Variants in MACROD2 observed in about 807,000 individuals in gnomAD.
MACROD2 encodes mono-ADP ribosylhydrolase 2.
In MACROD2, 36 loss-of-function variants were observed where a neutral mutation model predicts 70.4. That is an observed-to-expected ratio of 0.51 (90% CI 0.39 to 0.68). The LOEUF is 0.68. MACROD2 is among the 30% of genes least tolerant of loss of function. The pLI, the probability that MACROD2 is intolerant of heterozygous loss-of-function variation, is 0.00. For synonymous variants in MACROD2, 172 were observed against 178.8 expected (o/e 0.96, Z 0.30); for missense variants, 496 against 538.4 (o/e 0.92, Z 0.78).
At chr20:15,991,988 CAT>C (rs1361302815) in intron 15 of MACROD2, among the ~76,000 whole-genome samples, 1 of 152,104 alleles carries the variant, frequency 6.6e-6, no homozygotes, top group Non-Finnish European at 1.5e-5. Context: ...GCAATGTAAA[CAT>C]ATAGAACCAG....
At chr20:14,786,817 C>T (rs945823202) in intron 5 of MACROD2, among the ~76,000 whole-genome samples, 5 of 152,042 alleles carry the variant, frequency 3.3e-5, no homozygotes, top group Non-Finnish European at 7.4e-5. Flanking sequence ...AAGTTGGATA[C>T]TGGGTATTCA....
At chr20:15,362,245 C>T (rs555447165) in intron 6 of MACROD2, among the ~76,000 whole-genome samples, 11 of 152,134 alleles carry the variant, frequency 7.2e-5, no homozygotes, top group East Asian at 3.9e-4. Flanking sequence ...CCACCCACCC[C>T]GGCCTCCCAA....
Position 14,284,746 on chromosome 20 carries a change from C to A in MACROD2, c.271+199018C>A, listed in dbSNP as rs1157451889. Among the ~76,000 whole-genome samples the A allele has an allele frequency of 2.0e-5, 3 of 152,186 alleles. No individual in the cohort carries two copies. In the East Asian group the frequency reaches 5.8e-4, roughly 29 times the overall value. On this transcript the variant is annotated intron_variant, in intron 3 of 17. Coordinates refer to ENST00000684519, the MANE Select transcript of MACROD2 (RefSeq NM_001351661.2). ...GTGCATTTCTTAAATTCTATGAGTGCCCCCCATTTACTTTGATTTTATGTT... is the reference window on the plus strand; with the variant it reads ...GTGCATTTCTTAAATTCTATGAGTGACCCCCATTTACTTTGATTTTATGTT...
intron 11 of MACROD2, among the ~76,000 whole-genome samples, chr20:15,933,955 T>C (rs1295284993): frequency 6.6e-6 from 1 of 152,178 alleles, no homozygotes; most frequent in African/African-American, 2.4e-5. Flanking sequence ...AATTGAACAT[T>C]TTAAAATAAA....
chr20:15,144,087 T>C (rs758975354), intron 5 of MACROD2, among the ~76,000 whole-genome samples: 1 of 152,106 alleles, frequency 6.6e-6, no homozygotes, highest in Non-Finnish European at 1.5e-5. Context: ...AGCATGAATG[T>C]TGTGATTACA....
intron 3 of MACROD2, among the ~76,000 whole-genome samples, chr20:14,290,755 C>T (rs1185907533): frequency 1.3e-5 from 2 of 152,176 alleles, no homozygotes; most frequent in Non-Finnish European, 2.9e-5. Context: ...TTGATCCACC[C>T]GCCTCAGCCT....
At chr20:15,939,370 A>T (rs1488189075) in intron 12 of MACROD2, among the ~76,000 whole-genome samples, 1 of 152,168 alleles carries the variant, frequency 6.6e-6, no homozygotes, top group Non-Finnish European at 1.5e-5. Context: ...CTCATTTACT[A>T]TTCCAAGAAT....
At chr20:13,999,205 T>C (rs868280596) in intron 1 of MACROD2, among the ~76,000 whole-genome samples, 80 of 152,318 alleles carry the variant, frequency 5.3e-4, no homozygotes, top group African/African-American at 1.9e-3. Context: ...CTTGGTGTCT[T>C]CAGGTTCCTC....
At chr20:15,698,198 G>A (rs2050404637) in intron 8 of MACROD2, among the ~76,000 whole-genome samples, 1 of 151,938 alleles carries the variant, frequency 6.6e-6, no homozygotes, top group Non-Finnish European at 1.5e-5. Flanking sequence ...AAAGAGTTCT[G>A]TTTTGATATG....
chr20:15,188,522 A>C (rs1367771705), intron 5 of MACROD2, among the ~76,000 whole-genome samples: 1 of 152,214 alleles, frequency 6.6e-6, no homozygotes, highest in African/African-American at 2.4e-5. Flanking sequence ...TAGTGGATTC[A>C]GCACTGTTCA....
At chr20:15,021,270 G>GTATACGCATACGTGTGTGTA (rs1568535112) in intron 5 of MACROD2, among the ~76,000 whole-genome samples, 1 of 100,682 alleles carries the variant, frequency 9.9e-6, no homozygotes, top group African/African-American at 3.8e-5. Context: ...ACCTGTGTGT[G>GTATACGCATACGTGTGTGTA]TGTATACGCA....
intron 5 of MACROD2, among the ~76,000 whole-genome samples, chr20:14,854,254 G>A (rs1056666415): frequency 3.3e-5 from 5 of 152,106 alleles, no homozygotes; most frequent in African/African-American, 4.8e-5. Flanking sequence ...CTGTTCCATC[G>A]TTAGAAAAAT....
intron 5 of MACROD2, among the ~76,000 whole-genome samples, chr20:14,815,996 T>C (rs955489928): frequency 1.3e-5 from 2 of 152,080 alleles, no homozygotes; most frequent in Non-Finnish European, 2.9e-5. Flanking sequence ...ATTTTACTCC[T>C]GAATAACTCC....
At chr20:14,013,152 G>GT (rs543465056) in intron 2 of MACROD2, among the ~76,000 whole-genome samples, 86 of 148,706 alleles carry the variant, frequency 5.8e-4, no homozygotes, top group African/African-American at 1.1e-3. Context: ...TTGTCTGCCA[G>GT]TTTTTTTTTC....
At chr20:14,017,777 C>T (rs565973738) in intron 2 of MACROD2, among the ~76,000 whole-genome samples, 14 of 151,992 alleles carry the variant, frequency 9.2e-5, no homozygotes, top group Middle Eastern at 6.8e-3. Flanking sequence ...TCTTTTTCTG[C>T]CTTTGTTATC....
At chr20:15,609,729 T>C (rs894504762) in intron 8 of MACROD2, among the ~76,000 whole-genome samples, 3 of 152,234 alleles carry the variant, frequency 2.0e-5, no homozygotes, top group South Asian at 4.1e-4. Flanking sequence ...TTTAAACATA[T>C]TGCTTTATAG....
chr20:15,063,913 T>C (rs1361785705), intron 5 of MACROD2, among the ~76,000 whole-genome samples: 1 of 152,210 alleles, frequency 6.6e-6, no homozygotes, highest in African/African-American at 2.4e-5. Context: ...CCATAATCTG[T>C]AGCCATGATT....
Position 15,308,096 on chromosome 20 carries a change from C to G in MACROD2, c.540+78035C>G, listed in dbSNP as rs560406393. ...TTACAGGTAATGGTAAGTTTCAAGA[C>G]ATGATATGGATGGTATCTGCTCAAT... On this transcript the variant is annotated intron_variant, in intron 6 of 17. Coordinates refer to ENST00000684519, the MANE Select transcript of MACROD2 (RefSeq NM_001351661.2). 2.6e-5 allele frequency among the ~76,000 whole-genome samples: 4 copies of G among 152,218 alleles called. No individual in the cohort carries two copies. The South Asian group carries it at 6.2e-4, about 24-fold the overall frequency.
chr20:14,028,683 C>G (rs959208368), intron 2 of MACROD2, among the ~76,000 whole-genome samples: 1 of 152,164 alleles, frequency 6.6e-6, no homozygotes, highest in African/African-American at 2.4e-5. Flanking sequence ...AGGGAGTTCT[C>G]CGACCCCTTG....
Sources: gnomAD v4.1 joint callset for allele counts (sites outside exome capture counted in the v4.1 genomes callset) on GRCh38, gnomAD v4.1.1 for gene constraint, MANE v1.5 for transcripts, NCBI Gene and HGNC (gene_info 2026-07-23, HGNC 2026-07-21) for gene names.